The following AHI1 variants were observed in gnomAD, a reference collection of about 807,000 sequenced individuals.
AHI1 encodes the protein jouberin.
AHI1 carries 123 observed loss-of-function variants against 149.3 expected under a neutral mutation model. The ratio of observed to expected loss-of-function variants is 0.82; its 90% CI spans 0.71 to 0.96. The LOEUF (loss-of-function observed/expected upper bound fraction) is 0.96. Among genes scored for constraint, AHI1 ranks in the 40% least tolerant of loss-of-function variants. AHI1 has a pLI of 0.00. For missense variants in AHI1, 1,439 were observed against 1,422.7 expected (o/e 1.01, Z -0.18); for synonymous variants, 475 against 459.8 (o/e 1.03, Z -0.42).
chr6:135,362,658 CTTCTT>C (rs1445969265), intron 23 of AHI1, among the ~76,000 whole-genome samples: 1 of 152,052 alleles, frequency 6.6e-6, no homozygotes, highest in Non-Finnish European at 1.5e-5. Flanking sequence ...ATTTGTATAT[CTTCTT>C]TTGACAACTG....
At position 135,285,142 on chromosome 6, in the gene AHI1, G is replaced by C. The variant is rs549256198; in HGVS notation, c.*503C>G. On this transcript the variant is annotated 3_prime_UTR_variant, in exon 29 of 29. Coordinates refer to ENST00000265602, the MANE Select transcript of AHI1 (RefSeq NM_001134831.2). The stretch of plus-strand genomic sequence containing the variant: ...CTGCCTCAGCCTCCCAAGGTGCTAG[G>C]ATTACAGGCATGAGGCACCGTGCCC... 6.0e-6 allele frequency: 1 copy of C among 166,168 alleles called. No individual in the cohort carries two copies. Among genetic ancestry groups the C allele is most frequent in the South Asian group, 1.6e-4 (1 of 6,344 alleles). 10.3% of individuals were successfully genotyped at this position (166,168 alleles called of 1,614,324 possible). A position where few individuals can be genotyped will look rare whatever the true frequency, so the allele number is the denominator to read the frequency against.
At chr6:135,477,403 G>A (rs904925213) in intron 5 of AHI1, among the ~76,000 whole-genome samples, 4 of 151,960 alleles carry the variant, frequency 2.6e-5, no homozygotes, top group Non-Finnish European at 2.9e-5. Flanking sequence ...ATCATTATTG[G>A]CTTTTTAGCT....
At chr6:135,445,097 C>T (rs561779566) in intron 13 of AHI1, among the ~76,000 whole-genome samples, 36 of 152,172 alleles carry the variant, frequency 2.4e-4, no homozygotes, top group Non-Finnish European at 4.7e-4. Context: ...GTTATTCTCT[C>T]CATATCATGC....
intron 5 of AHI1, among the ~76,000 whole-genome samples, chr6:135,480,283 A>G (rs115020113): frequency 0.01 from 1,556 of 152,192 alleles, 20 homozygotes; most frequent in African/African-American, 0.034. Flanking sequence ...ACAGTGAGAC[A>G]CTGTCTCTAC....
intron 17 of AHI1, 62 bp from the exon 18 acceptor site, chr6:135,430,062 G>C (rs911546414): frequency 2.3e-6 from 2 of 855,770 alleles, no homozygotes; most frequent in Admixed American, 5.2e-5. Flanking sequence ...CTTTTTTGGG[G>C]GTACAAAATT....
intron 20 of AHI1, among the ~76,000 whole-genome samples, chr6:135,424,678 T>C (rs1783688148): frequency 6.6e-6 from 1 of 152,006 alleles, no homozygotes; most frequent in African/African-American, 2.4e-5. Flanking sequence ...CAGGGAAAGA[T>C]GCTTGCTAAC....
Position 135,427,063 on chromosome 6 carries a change from T to C in AHI1, c.2764+104A>G, listed in dbSNP as rs554876362. ...TGATTCCAACATAAGGGCACAATTA[T>C]TATGTGTACTTTTGTCAACATTTGA... On this transcript the variant is annotated intron_variant, in intron 20 of 28. Transcript: ENST00000265602. 28 of 1,159,544 alleles carry C rather than the reference T, an allele frequency of 2.4e-5. No homozygotes were observed. In the East Asian group the frequency reaches 4.4e-4, roughly 18 times the overall value. The allele number at this position is 1,159,544 out of a possible 1,614,324, so 71.8% of individuals were successfully genotyped here.
chr6:135,428,707 T>C lies in AHI1; in HGVS notation c.2545A>G (p.Ser849Gly). 1 of 1,608,450 alleles carries C rather than the reference T, an allele frequency of 6.2e-7. No individual in the cohort carries two copies. The highest frequency in any genetic ancestry group is 8.5e-7 in the Non-Finnish European group (1 of 1,176,690). Residue 849 changes from serine to glycine, a missense_variant, in exon 19 of 29, where the codon AGT becomes GGT. Transcript: ENST00000265602. ...AAAGTCCCACATGGAGTCAAAGTAC[T>C]ATGAATCTTCTCCCGATAATTTGCT... The part of the protein sequence containing the change: ...GAANYREKIH[S>G]TLTPCGTFLF...
intron 26 of AHI1, chr6:135,302,251 A>G: frequency 1.0e-6 from 1 of 985,474 alleles, no homozygotes; most frequent in South Asian, 4.7e-5. Flanking sequence ...ACTTGATAAA[A>G]CTTTTCAAAA....
At chr6:135,327,037 C>CA (rs1450977721) in intron 24 of AHI1, among the ~76,000 whole-genome samples, 2 of 152,166 alleles carry the variant, frequency 1.3e-5, no homozygotes, top group African/African-American at 4.8e-5. Context: ...ATAATGGTCC[C>CA]ATTCCCATAC....
At chr6:135,323,880 A>G (rs761980406) in intron 24 of AHI1, among the ~76,000 whole-genome samples, 47 of 152,316 alleles carry the variant, frequency 3.1e-4, no homozygotes, top group African/African-American at 4.1e-4. Context: ...AAGTATCCAT[A>G]TAAGTTATTT....
chr6:135,492,275 T>C lies in AHI1; in HGVS notation c.-38A>G, dbSNP rs931817247. ...TGCAGAGGACTGAGAATGCAAAGCA[T>C]TGACTCAATCAGGATCCTATCGAAA... On this transcript the variant is annotated 5_prime_UTR_variant, in exon 4 of 29. An upstream start codon of the reference 5' UTR is lost. Transcript: ENST00000265602. 3.3e-6 allele frequency: 5 copies of C among 1,533,350 alleles called. No individual in the cohort carries two copies. Among genetic ancestry groups the C allele is most frequent in the South Asian group, 2.5e-5 (2 of 78,866 alleles). 95.0% of individuals were successfully genotyped at this position (1,533,350 alleles called of 1,614,324 possible).
At chr6:135,343,733 C>A (rs1790732072) in intron 24 of AHI1, among the ~76,000 whole-genome samples, 1 of 151,104 alleles carries the variant, frequency 6.6e-6, no homozygotes. Context: ...TTAACTCACA[C>A]CATCTACAAA....
chr6:135,410,764 T>C (rs560600396), intron 21 of AHI1, among the ~76,000 whole-genome samples: 12 of 152,362 alleles, frequency 7.9e-5, no homozygotes, highest in African/African-American at 2.9e-4. Flanking sequence ...TGTTTTCTTC[T>C]ATTTTACTGA....
chr6:135,494,999 A>G (rs1795774999), intron 3 of AHI1, among the ~76,000 whole-genome samples: 1 of 152,236 alleles, frequency 6.6e-6, no homozygotes, highest in South Asian at 2.1e-4. Context: ...GGGCTAAGGA[A>G]TGAATGGAAG....
chr6:135,303,411 G>C (rs1032265016), intron 26 of AHI1, among the ~76,000 whole-genome samples: 6 of 152,116 alleles, frequency 3.9e-5, no homozygotes, highest in African/African-American at 1.4e-4. Flanking sequence ...TAATTTCATA[G>C]TTTGTTTATA....
chr6:135,439,085 C>T (rs369191343), intron 14 of AHI1, among the ~76,000 whole-genome samples: 24 of 152,124 alleles, frequency 1.6e-4, no homozygotes, highest in African/African-American at 5.1e-4. Context: ...AACAAAGTTT[C>T]CAAGTCTCTG....
At chr6:135,294,275 G>C (rs143602639) in intron 27 of AHI1, among the ~76,000 whole-genome samples, 1 of 151,938 alleles carries the variant, frequency 6.6e-6, no homozygotes, top group African/African-American at 2.4e-5. Flanking sequence ...GTAGTGAGCC[G>C]AGATCATGCC....
chr6:135,383,413 T>C (rs1429294686), intron 23 of AHI1, among the ~76,000 whole-genome samples: 1 of 151,566 alleles, frequency 6.6e-6, no homozygotes, highest in East Asian at 1.9e-4. Context: ...AAAAACATTT[T>C]TTTTAAAGAG....
Sources: allele counts gnomAD v4.1 joint callset (sites outside exome capture counted in the v4.1 genomes callset), GRCh38; gene constraint gnomAD v4.1.1; transcripts MANE v1.5; gene names NCBI Gene and HGNC (gene_info 2026-07-23, HGNC 2026-07-21).